VWDE: variants seen among roughly 807,000 people sequenced by gnomAD.
The protein encoded by VWDE is von Willebrand factor D and EGF domain-containing protein.
VWDE carries 207 observed loss-of-function variants against 178.4 expected under a neutral mutation model. That is an observed-to-expected ratio of 1.16 (90% CI 1.04 to 1.30). The LOEUF (loss-of-function observed/expected upper bound fraction) is 1.30. Ranked by LOEUF, VWDE falls within the 50% of genes most tolerant of loss-of-function variation. The pLI is 0.00. For synonymous variants in VWDE, 738 were observed against 651.4 expected (o/e 1.13, Z -2.02); for missense variants, 2,287 against 1,901.3 (o/e 1.20, Z -3.77).
chr7:12,336,325 A>C, intron 26 of VWDE, 89 bp from the exon 27 acceptor site: 1 of 1,108,132 alleles, frequency 9.0e-7, no homozygotes, highest in Non-Finnish European at 1.3e-6. Context: ...AGAGAGAAAA[A>C]AAGAAATAGT....
chr7:12,333,974 A>G (rs1268989796), intron 27 of VWDE, among the ~76,000 whole-genome samples: 3 of 152,276 alleles, frequency 2.0e-5, no homozygotes, highest in East Asian at 1.9e-4. Context: ...TAGTGTATGG[A>G]AAATTTGACA....
chr7:12,383,046 A>G (rs1254617880), intron 4 of VWDE, among the ~76,000 whole-genome samples: 1 of 151,890 alleles, frequency 6.6e-6, no homozygotes, highest in Admixed American at 6.6e-5. Context: ...TGTATTGTAT[A>G]ATGTACTTCT....
chr7:12,334,009 T>G (rs894953492), intron 27 of VWDE, among the ~76,000 whole-genome samples: 7 of 152,158 alleles, frequency 4.6e-5, no homozygotes, highest in Non-Finnish European at 7.4e-5. Context: ...ATTGGAAGTT[T>G]AATGTGAAAT....
At chr7:12,352,956 A>G (rs1013837526) in intron 18 of VWDE, among the ~76,000 whole-genome samples, 10 of 152,084 alleles carry the variant, frequency 6.6e-5, no homozygotes, top group Non-Finnish European at 1.2e-4. Flanking sequence ...TTATTCTAAG[A>G]TTTATATTTT....
chr7:12,388,765 G>A (rs1473253780), intron 3 of VWDE: 2 of 352,868 alleles, frequency 5.7e-6, no homozygotes, highest in Non-Finnish European at 1.1e-5. Flanking sequence ...AATGAAAGAT[G>A]AAATAATATA....
intron 2 of VWDE, 85 bp from the exon 3 acceptor site, chr7:12,389,443 C>A: frequency 1.0e-6 from 1 of 979,206 alleles, no homozygotes; most frequent in Non-Finnish European, 1.5e-6. Flanking sequence ...TTATTCTAAT[C>A]AAGCCTTAAA....
chr7:12,356,602 A>G (rs1369319440), intron 17 of VWDE, among the ~76,000 whole-genome samples: 1 of 152,220 alleles, frequency 6.6e-6, no homozygotes, highest in African/African-American at 2.4e-5. Context: ...AATTTCTGTC[A>G]TGCAAGTAGA....
rs73294368 is a variant in VWDE at position 12,342,972 on chromosome 7, A to G, written c.4174+111T>C. 5.5e-3 allele frequency: 3,911 copies of G among 717,450 alleles called. 113 individuals are homozygous for G. In the African/African-American group the frequency reaches 0.064, roughly 12 times the overall value. 44.4% of individuals were successfully genotyped at this position (717,450 alleles called of 1,614,324 possible). On this transcript the variant is annotated intron_variant, in intron 22 of 28. Transcript: ENST00000275358. Reference sequence around the variant, plus strand: ...CTTGCGATAGTTTACAAGAACTATCACAATGTGTGTTCTTTACGTAGAGTT... The same window carrying G: ...CTTGCGATAGTTTACAAGAACTATCGCAATGTGTGTTCTTTACGTAGAGTT...
rs1781413791 is a variant in VWDE, at chr7:12,343,079, T to C, written c.4174+4A>G. On this transcript the variant is annotated splice_donor_region_variant and intron_variant, in intron 22 of 28. Transcript: ENST00000275358. Reference sequence around the variant, plus strand: ...ATATCAGACATCAGGAGAGCTTTGCTTACTTGTTTCACACCTTGGTCCTAC... The same window carrying C: ...ATATCAGACATCAGGAGAGCTTTGCCTACTTGTTTCACACCTTGGTCCTAC... 1.3e-6 allele frequency: 2 copies of C among 1,547,536 alleles called. No individual in the cohort carries two copies. Among genetic ancestry groups the C allele is most frequent in the South Asian group, 1.2e-5 (1 of 83,772 alleles).
intron 1 of VWDE, among the ~76,000 whole-genome samples, chr7:12,398,037 C>T (rs1172903883): frequency 6.6e-6 from 1 of 152,098 alleles, no homozygotes; most frequent in African/African-American, 2.4e-5. Context: ...AACTATCATT[C>T]AACCTAGCAA....
rs1308494032 is a variant in VWDE, at chr7:12,383,568, G to A, written c.509C>T (p.Ser170Phe). Residue 170 changes from serine (S) to phenylalanine (F), a missense_variant, in exon 4 of 29, where the codon TCT becomes TTT. Physicochemically the swap from Ser to Phe is radical, Grantham distance 155. Transcript: ENST00000275358. The stretch of plus-strand genomic sequence containing the variant: ...ATCACCTCCTGTTTCAGTTTCATCA[G>A]AACCACATGGGTGTAATCGTGCATC... ...ISDARLHPCGSDETETGGDCV... is the reference protein window; with the variant it reads ...ISDARLHPCGFDETETGGDCV... 4 of 1,550,524 alleles carry A rather than the reference G, an allele frequency of 2.6e-6. No homozygotes were observed. In the South Asian group the frequency reaches 4.8e-5, roughly 18 times the overall value.
chr7:12,349,802 T>TA (rs1445229868), intron 19 of VWDE, among the ~76,000 whole-genome samples: 34 of 152,080 alleles, frequency 2.2e-4, no homozygotes, highest in Admixed American at 1.4e-3. Flanking sequence ...AGTGGAAAGA[T>TA]ACAACTAAAC....
intron 9 of VWDE, 23 bp from the exon 10 acceptor site, chr7:12,373,270 G>C: frequency 6.5e-7 from 1 of 1,544,490 alleles, no homozygotes; most frequent in Non-Finnish European, 8.7e-7. Context: ...AAAGGCAATT[G>C]CATTAAAAAA....
chr7:12,377,950 T>A, intron 6 of VWDE, 30 bp from the exon 7 acceptor site: 1 of 1,339,786 alleles, frequency 7.5e-7, no homozygotes, highest in South Asian at 2.2e-5. Flanking sequence ...AGAAAAATTA[T>A]GTTAAAATAT....
chr7:12,397,767 C>T (rs1231624989), intron 1 of VWDE, among the ~76,000 whole-genome samples: 1 of 151,962 alleles, frequency 6.6e-6, no homozygotes, highest in Non-Finnish European at 1.5e-5. Flanking sequence ...GAACAGATGC[C>T]TCTCAAAAGA....
rs1470549695 is a variant in VWDE at position 12,361,183 on chromosome 7, A to C, written c.3123T>G (p.Val1041=). 1.3e-6 allele frequency: 2 copies of C among 1,546,706 alleles called. No individual in the cohort carries two copies. The highest frequency in any genetic ancestry group is 1.7e-6 in the Non-Finnish European group (2 of 1,143,088). The part of the protein sequence containing the change: ...ITVIYDGACQ[V]CGLYKNDSCT... ...ATGAGTCATTTTTATAGAGACCACA[A>C]ACTTGGCAAGCACCATCATATATGA... The change falls in exon 15 of 29, where the codon GTT becomes GTG. Residue 1041 remains valine (V), a synonymous_variant. Coordinates refer to ENST00000275358, the MANE Select transcript of VWDE (RefSeq NM_001135924.3).
chr7:12,397,339 A>C (rs1457893857), intron 1 of VWDE, among the ~76,000 whole-genome samples: 2 of 152,308 alleles, frequency 1.3e-5, no homozygotes, highest in African/African-American at 4.8e-5. Context: ...CTATTCAATA[A>C]ATGGTCCTTG....
chr7:12,370,299 G>T lies in VWDE; in HGVS notation c.2007C>A (p.Ser669=). 2 of 1,550,946 alleles carry T rather than the reference G, an allele frequency of 1.3e-6. No individual in the cohort carries two copies. Residue 669 remains serine, a synonymous_variant, in exon 12 of 29, where the codon TCC becomes TCA. Transcript: ENST00000275358. The stretch of plus-strand genomic sequence containing the variant: ...CAAGAGTGTCTGAATTAATATATTC[G>T]GAGGTGACATCTAGTTCTGGTATCA... ...SSLIPELDVT[S]EYINSDTLVR... is the part of the protein sequence containing the mutation.
At chr7:12,397,069 A>C (rs1784663172) in intron 1 of VWDE, among the ~76,000 whole-genome samples, 1 of 152,204 alleles carries the variant, frequency 6.6e-6, no homozygotes, top group Non-Finnish European at 1.5e-5. Context: ...AAAAAAAACT[A>C]TTCTAAAATT....
Sources: allele counts gnomAD v4.1 joint callset (sites outside exome capture counted in the v4.1 genomes callset), GRCh38; gene constraint gnomAD v4.1.1; transcripts MANE v1.5; gene names NCBI Gene and HGNC (gene_info 2026-07-23, HGNC 2026-07-21).